The following ATP6V1H variants were observed in gnomAD, a reference collection of about 807,000 sequenced individuals.
ATP6V1H encodes V-type proton ATPase subunit H.
Under a neutral mutation model 71.7 loss-of-function variants are expected in ATP6V1H, and 39 were observed. That is an observed-to-expected ratio of 0.54 (90% CI 0.42 to 0.71). The LOEUF is 0.71. Ranked by LOEUF, ATP6V1H falls within the 30% of genes least tolerant of loss-of-function variation. The pLI is 0.00. For missense variants in ATP6V1H, 509 were observed against 594.9 expected, an observed-to-expected ratio of 0.86 and a Z score of 1.50; for synonymous variants, 192 against 199.3, an observed-to-expected ratio of 0.96 and a Z score of 0.31.
At chr8:53,749,684 G>T (rs767317964) in intron 12 of ATP6V1H, among the ~76,000 whole-genome samples, 1 of 151,382 alleles carries the variant, frequency 6.6e-6, no homozygotes, top group Non-Finnish European at 1.5e-5. Context: ...GGGATTACAA[G>T]CCTTGTAAAA....
chr8:53,797,228 C>G (rs542128721), intron 8 of ATP6V1H, among the ~76,000 whole-genome samples: 1 of 152,274 alleles, frequency 6.6e-6, no homozygotes, highest in South Asian at 2.1e-4. Context: ...TAGGCTATGC[C>G]AAGAACAGGA....
chr8:53,792,194 G>A (rs931006580), intron 9 of ATP6V1H, among the ~76,000 whole-genome samples: 5 of 152,188 alleles, frequency 3.3e-5, no homozygotes, highest in Non-Finnish European at 7.3e-5. Context: ...ACCATGGTGA[G>A]GGAGAGAAGT....
At chr8:53,746,928 G>T (rs553548542) in intron 12 of ATP6V1H, among the ~76,000 whole-genome samples, 4 of 152,258 alleles carry the variant, frequency 2.6e-5, no homozygotes, top group African/African-American at 7.2e-5. Flanking sequence ...TTCAAAACAA[G>T]TTAAGTCAAT....
chr8:53,817,874 G>A (rs1046840875), intron 4 of ATP6V1H, among the ~76,000 whole-genome samples: 4 of 151,912 alleles, frequency 2.6e-5, no homozygotes, highest in African/African-American at 7.3e-5. Context: ...TGCCATACGA[G>A]GGAAATCAAA....
intron 12 of ATP6V1H, among the ~76,000 whole-genome samples, chr8:53,745,618 C>T (rs1463433477): frequency 2.6e-5 from 4 of 151,774 alleles, no homozygotes; most frequent in South Asian, 2.1e-4. Flanking sequence ...TCCATAGGCA[C>T]GTAACAGCCC....
At position 53,820,934 on chromosome 8, in the gene ATP6V1H, C is replaced by T. The variant is rs550934838; in HGVS notation, c.307-3404G>A. Among the ~76,000 whole-genome samples the T allele has an allele frequency of 2.2e-3, 332 of 147,586 alleles. 3 individuals carry two copies. Among genetic ancestry groups the T allele is most frequent in the African/African-American group, 7.9e-3 (315 of 40,000 alleles). On this transcript the variant is annotated intron_variant, in intron 4 of 13. Transcript: ENST00000359530. Reference sequence around the variant, plus strand: ...AGGCAGAGGTTGCAGTGAGCCAAGACTGTGCCACTGCACTCCAGCCTGGAT... The same window carrying T: ...AGGCAGAGGTTGCAGTGAGCCAAGATTGTGCCACTGCACTCCAGCCTGGAT...
At chr8:53,728,910 C>G (rs1165416565) in intron 13 of ATP6V1H, among the ~76,000 whole-genome samples, 1 of 152,214 alleles carries the variant, frequency 6.6e-6, no homozygotes, top group Admixed American at 6.5e-5. Context: ...GTTGGTCCTC[C>G]CACTAACAGA....
Position 53,781,361 on chromosome 8 carries a change from A to G in ATP6V1H, c.871-9194T>C, listed in dbSNP as rs556745570. Among the ~76,000 whole-genome samples, 315 of 150,434 alleles carry G rather than the reference A, an allele frequency of 2.1e-3. 2 individuals carry two copies. The highest frequency in any genetic ancestry group is 7.3e-3 in the African/African-American group (303 of 41,436). ...CTTCTTTTCAGAAGTGTCTGTTCAT[A>G]TCCTTTGCCCACTTTTTGATGGGGT... On this transcript the variant is annotated intron_variant, in intron 9 of 13. Coordinates refer to ENST00000359530, the MANE Select transcript of ATP6V1H (RefSeq NM_015941.4).
intron 12 of ATP6V1H, among the ~76,000 whole-genome samples, chr8:53,746,049 C>A (rs1477907942): frequency 6.6e-6 from 1 of 152,202 alleles, no homozygotes; most frequent in South Asian, 2.1e-4. Flanking sequence ...TAAAAACATA[C>A]AGCTCACACA....
intron 8 of ATP6V1H, among the ~76,000 whole-genome samples, chr8:53,798,793 C>T (rs1168300560): frequency 6.6e-6 from 1 of 152,186 alleles, no homozygotes; most frequent in Non-Finnish European, 1.5e-5. Context: ...TATCTGATTA[C>T]TGCTAATCTT....
In ATP6V1H at chr8:53,741,834, T is replaced by C. The variant is rs538648642; in HGVS notation, c.1391+1743A>G. 5.3e-4 allele frequency among the ~76,000 whole-genome samples: 80 copies of C among 152,314 alleles called. No homozygotes were observed. The South Asian group carries it at 8.5e-3, about 16-fold the overall frequency. On this transcript the variant is annotated intron_variant, in intron 13 of 13. Coordinates refer to ENST00000359530, the MANE Select transcript of ATP6V1H (RefSeq NM_015941.4). ...TCAGCCCATCAAGTGCTGTCCACACTAGCTCTGAATCTACCCCAAGTCCAT... is the reference window on the plus strand; with the variant it reads ...TCAGCCCATCAAGTGCTGTCCACACCAGCTCTGAATCTACCCCAAGTCCAT...
intron 4 of ATP6V1H, among the ~76,000 whole-genome samples, chr8:53,822,650 A>T (rs1810698664): frequency 6.6e-6 from 1 of 152,166 alleles, no homozygotes; most frequent in Non-Finnish European, 1.5e-5. Flanking sequence ...GACAGTTGAG[A>T]TCAAATTTCT....
chr8:53,772,101 T>G lies in ATP6V1H; in HGVS notation c.937A>C (p.Lys313Gln), dbSNP rs746974471. 1 of 1,613,952 alleles carries G rather than the reference T, an allele frequency of 6.2e-7. No individual in the cohort carries two copies. The highest frequency in any genetic ancestry group is 8.5e-7 in the Non-Finnish European group (1 of 1,179,952). Reference sequence around the variant, plus strand: ...AAGTTCTCCAACTGTTTCAGAACTTTGCACTGAATCATAGCCAGGGCATAT... The same window carrying G: ...AAGTTCTCCAACTGTTTCAGAACTTGGCACTGAATCATAGCCAGGGCATAT... ...QEYALAMIQC[K>Q]VLKQLENLEQ... The change falls in exon 10 of 14, where the codon AAA (lysine) becomes CAA (glutamine). Residue 313 changes from lysine (K) to glutamine (Q), a missense_variant. Transcript: ENST00000359530.
At chr8:53,792,475 T>C (rs952441058) in intron 9 of ATP6V1H, among the ~76,000 whole-genome samples, 3 of 152,284 alleles carry the variant, frequency 2.0e-5, no homozygotes, top group Non-Finnish European at 4.4e-5. Flanking sequence ...AGCCAGGAAA[T>C]ACACAGGGCT....
chr8:53,754,674 T>C (rs950990559), intron 12 of ATP6V1H, among the ~76,000 whole-genome samples: 1 of 152,206 alleles, frequency 6.6e-6, no homozygotes, highest in Admixed American at 6.5e-5. Flanking sequence ...GAGAAGAAGA[T>C]GAGTTAATGC....
chr8:53,799,044 T>C (rs1200809599), intron 8 of ATP6V1H, among the ~76,000 whole-genome samples: 1 of 152,152 alleles, frequency 6.6e-6, no homozygotes, highest in African/African-American at 2.4e-5. Context: ...TAGAGATTGC[T>C]ATTTCATGAC....
At chr8:53,765,691 A>G (rs763145743) in intron 11 of ATP6V1H, among the ~76,000 whole-genome samples, 1 of 152,238 alleles carries the variant, frequency 6.6e-6, no homozygotes, top group Non-Finnish European at 1.5e-5. Flanking sequence ...TACTGTCAAG[A>G]TATCAACTGT....
intron 13 of ATP6V1H, among the ~76,000 whole-genome samples, chr8:53,722,435 A>C (rs1806656399): frequency 6.6e-6 from 1 of 152,280 alleles, no homozygotes; most frequent in African/African-American, 2.4e-5. Flanking sequence ...TGCAACGTGC[A>C]GTGTGGGAGA....
intron 6 of ATP6V1H, among the ~76,000 whole-genome samples, chr8:53,813,310 T>C (rs1350421647): frequency 2.0e-5 from 3 of 152,168 alleles, no homozygotes; most frequent in South Asian, 2.1e-4. Context: ...CAAATGGCAA[T>C]TAGGCTCCCC....
Sources: allele counts gnomAD v4.1 joint callset (sites outside exome capture counted in the v4.1 genomes callset), GRCh38; gene constraint gnomAD v4.1.1; transcripts MANE v1.5; gene names NCBI Gene and HGNC (gene_info 2026-07-23, HGNC 2026-07-21).